FAM107B: variants seen among roughly 807,000 people sequenced by gnomAD.
FAM107B encodes family with sequence similarity 107 member B.
In FAM107B, 21 loss-of-function variants were observed where a neutral mutation model predicts 31.5. The ratio of observed to expected loss-of-function variants is 0.67; its 90% confidence interval spans 0.47 to 0.96. The LOEUF is 0.96. Among genes scored for constraint, FAM107B ranks in the 40% least tolerant of loss-of-function variants. The probability of loss-of-function intolerance (pLI) is 0.00; values close to 1 mark genes in which losing one functional copy is unlikely to be tolerated. For missense variants in FAM107B, 452 were observed against 377.1 expected (o/e 1.20, Z -1.64); for synonymous variants, 157 against 141.5 (o/e 1.11, Z -0.78).
At chr10:14,724,192 G>T in intron 1 of FAM107B, 1 of 421,454 alleles carries the variant, frequency 2.4e-6, no homozygotes, top group Non-Finnish European at 4.3e-6. Flanking sequence ...TCTAATATTT[G>T]TGTCTTATAT....
intron 2 of FAM107B, among the ~76,000 whole-genome samples, chr10:14,642,387 C>G (rs1228871609): frequency 1.3e-5 from 2 of 152,200 alleles, no homozygotes; most frequent in African/African-American, 4.8e-5. Context: ...GAAACCAAGG[C>G]TCTGGGCCTG....
At chr10:14,717,753 C>A (rs571966368) in intron 1 of FAM107B, among the ~76,000 whole-genome samples, 297 of 71,046 alleles carry the variant, frequency 4.2e-3, no homozygotes, top group African/African-American at 0.026. Flanking sequence ...GCAACCCCCT[C>A]CCAGACACCC....
intron 2 of FAM107B, among the ~76,000 whole-genome samples, chr10:14,655,481 G>C (rs1034344991): frequency 3.9e-5 from 6 of 152,142 alleles, no homozygotes; most frequent in Non-Finnish European, 7.3e-5. Flanking sequence ...GCGCAGTGGC[G>C]CAATCTTGGC....
chr10:14,685,851 C>T (rs1405155742), intron 1 of FAM107B, among the ~76,000 whole-genome samples: 10 of 152,180 alleles, frequency 6.6e-5, no homozygotes, highest in Admixed American at 6.5e-4. Context: ...AATGGACTCA[C>T]AGTTCTACAT....
intron 2 of FAM107B, among the ~76,000 whole-genome samples, chr10:14,534,288 CCTT>C (rs761001514): frequency 2.0e-5 from 3 of 152,108 alleles, no homozygotes; most frequent in East Asian, 1.9e-4. Flanking sequence ...GCAACCCCCT[CCTT>C]GAGTCTTTGT....
At chr10:14,680,234 A>C (rs977642593) in intron 1 of FAM107B, among the ~76,000 whole-genome samples, 4 of 152,082 alleles carry the variant, frequency 2.6e-5, no homozygotes, top group Non-Finnish European at 5.9e-5. Context: ...CCCATGAGAA[A>C]GTTATTAAGA....
intron 2 of FAM107B, among the ~76,000 whole-genome samples, chr10:14,573,643 C>T (rs1475086747): frequency 6.6e-6 from 1 of 151,422 alleles, no homozygotes; most frequent in African/African-American, 2.4e-5. Context: ...ACTTGGGAGG[C>T]AGAGGCAGGA....
chr10:14,682,590 A>C (rs1854864110), intron 1 of FAM107B, among the ~76,000 whole-genome samples: 1 of 152,172 alleles, frequency 6.6e-6, no homozygotes, highest in South Asian at 2.1e-4. Context: ...TGTCCTTTGC[A>C]GGGATATGGA....
intron 2 of FAM107B, among the ~76,000 whole-genome samples, chr10:14,607,883 C>T (rs1315861964): frequency 1.3e-5 from 2 of 152,180 alleles, no homozygotes; most frequent in Non-Finnish European, 2.9e-5. Context: ...GGAAAACATA[C>T]ATAATAATTT....
chr10:14,701,037 C>T (rs1018171178), intron 1 of FAM107B, among the ~76,000 whole-genome samples: 1 of 151,980 alleles, frequency 6.6e-6, no homozygotes, highest in African/African-American at 2.4e-5. Flanking sequence ...ACTCTCTCCA[C>T]CACTGCTTTT....
intron 2 of FAM107B, among the ~76,000 whole-genome samples, chr10:14,595,873 C>G (rs1000024003): frequency 6.6e-6 from 1 of 152,194 alleles, no homozygotes; most frequent in Middle Eastern, 3.2e-3. Flanking sequence ...AGCGGCACCC[C>G]GGCTGGTCTC....
chr10:14,554,064 T>C, intron 2 of FAM107B: 1 of 976,028 alleles, frequency 1.0e-6, no homozygotes, highest in Non-Finnish European at 1.2e-6. Context: ...CTGCCACACA[T>C]ATGTCATATA....
rs1833214271 is a variant in FAM107B at position 14,767,777 on chromosome 10, C to T, written c.411+6476G>A. Among the ~76,000 whole-genome samples, 3 of 152,288 alleles carry T rather than the reference C, an allele frequency of 2.0e-5. No individual in the cohort carries two copies. The South Asian group carries it at 6.2e-4, about 32-fold the overall frequency. On this transcript the variant is annotated intron_variant, in intron 1 of 4. Coordinates refer to ENST00000181796, the MANE Select transcript of FAM107B (RefSeq NM_031453.4). ...ATCAGGAACAAAACAAGGATGCTTA[C>T]TTTGCCACTTCTATTCAATGCAGTA...
At chr10:14,748,581 G>A (rs929728601) in intron 1 of FAM107B, among the ~76,000 whole-genome samples, 1 of 152,216 alleles carries the variant, frequency 6.6e-6, no homozygotes, top group Non-Finnish European at 1.5e-5. Context: ...TGGAAACAGT[G>A]GCCACTAAGC....
chr10:14,620,546 T>C lies in FAM107B; in HGVS notation c.469+47088A>G, dbSNP rs185545389. 1.2e-3 allele frequency among the ~76,000 whole-genome samples: 185 copies of C among 152,292 alleles called. 1 individual carries two copies. Among genetic ancestry groups the C allele is most frequent in the African/African-American group, 4.3e-3 (180 of 41,562 alleles). ...AATGCTTACTGTATTTTTTTTATTA[T>C]TATAATTTAAGTTCTGGGATACATG... On this transcript the variant is annotated intron_variant, in intron 2 of 4. Transcript: ENST00000181796.
chr10:14,553,443 A>C, intron 2 of FAM107B: 2 of 938,210 alleles, frequency 2.1e-6, no homozygotes, highest in Non-Finnish European at 2.9e-6. Context: ...TGCCAAAGCA[A>C]TCATTCTATC....
intron 1 of FAM107B, among the ~76,000 whole-genome samples, chr10:14,741,509 C>A (rs1032634322): frequency 6.6e-6 from 1 of 152,138 alleles, no homozygotes; most frequent in Non-Finnish European, 1.5e-5. Flanking sequence ...TGAATCCCTG[C>A]ATCTCCAGGA....
intron 2 of FAM107B, among the ~76,000 whole-genome samples, chr10:14,538,838 C>T (rs1217968936): frequency 1.1e-4 from 17 of 152,224 alleles, no homozygotes; most frequent in Non-Finnish European, 1.2e-4. Context: ...AAGCATCAGG[C>T]TTGAAGACCA....
chr10:14,768,323 G>A (rs1020864477), intron 1 of FAM107B, among the ~76,000 whole-genome samples: 3 of 152,112 alleles, frequency 2.0e-5, no homozygotes, highest in Admixed American at 6.5e-5. Flanking sequence ...AATCTCAAGA[G>A]ACCCCAAATG....
Sources: gnomAD v4.1 joint callset for allele counts (sites outside exome capture counted in the v4.1 genomes callset) on GRCh38, gnomAD v4.1.1 for gene constraint, MANE v1.5 for transcripts, NCBI Gene and HGNC (gene_info 2026-07-23, HGNC 2026-07-21) for gene names.